SOS2: variants seen among roughly 807,000 people sequenced by gnomAD.
The protein encoded by SOS2 is SOS Ras/Rho guanine nucleotide exchange factor 2, also known as son of sevenless homolog 2.
In SOS2, 65 loss-of-function variants were observed where a neutral mutation model predicts 148.2. The observed-to-expected ratio is 0.44, with a 90% CI of 0.36 to 0.54. SOS2 has a LOEUF of 0.54. SOS2 is among the 20% of genes least tolerant of loss of function. The pLI is 0.00. For missense variants in SOS2, 1,341 were observed against 1,590.2 expected, an observed-to-expected ratio of 0.84 and a Z score of 2.67; for synonymous variants, 539 against 537.1, an observed-to-expected ratio of 1.00 and a Z score of -0.05.
intron 5 of SOS2, among the ~76,000 whole-genome samples, chr14:50,183,922 T>C (rs1885826601): frequency 6.6e-6 from 1 of 152,220 alleles, no homozygotes; most frequent in Non-Finnish European, 1.5e-5. Flanking sequence ...TGTGCAAATA[T>C]CACGGCTAGA....
rs199667374 is a variant in SOS2 at position 50,180,533 on chromosome 14, T to TAAA, written c.969+36_969+38dup. On this transcript the variant is annotated intron_variant, in intron 7 of 22. Coordinates refer to ENST00000216373, the MANE Select transcript of SOS2 (RefSeq NM_006939.4). ...ATAGTGAGATATTTATTTGCTTTAT[T>TAAA]AAAAAAAAAAAAAAAAAAAACCTTC... The TAAA allele has an allele frequency of 2.0e-4, 84 of 416,896 alleles. No homozygotes were observed. The highest frequency in any genetic ancestry group is 1.2e-3 in the Middle Eastern group (2 of 1,624). 25.8% of individuals were successfully genotyped at this position (416,896 alleles called of 1,614,324 possible).
chr14:50,211,349 G>A (rs1326404361), intron 1 of SOS2, among the ~76,000 whole-genome samples: 2 of 152,000 alleles, frequency 1.3e-5, no homozygotes, highest in Non-Finnish European at 2.9e-5. Flanking sequence ...TTTTATTTTA[G>A]ATTAAGGGGG....
intron 19 of SOS2, among the ~76,000 whole-genome samples, 154 bp from the exon 20 acceptor site, chr14:50,130,916 A>G (rs1403373279): frequency 6.6e-6 from 1 of 152,178 alleles, no homozygotes; most frequent in Non-Finnish European, 1.5e-5. Context: ...GTATCATTCT[A>G]GTAGAATCTT....
rs142704139 is a variant in SOS2 at position 50,139,379 on chromosome 14, A to C, written c.2785+563T>G. Among the ~76,000 whole-genome samples, 303 of 152,250 alleles carry C rather than the reference A, an allele frequency of 2.0e-3. 2 individuals carry two copies. Among genetic ancestry groups the C allele is most frequent in the African/African-American group, 6.4e-3 (265 of 41,530 alleles). On this transcript the variant is annotated intron_variant, in intron 17 of 22. Transcript: ENST00000216373. Reference sequence around the variant, plus strand: ...TTTAGTCCCCCAGGGGATATTTAGGAATGTCTAGAGACATTTTTGGTTACC... The same window carrying C: ...TTTAGTCCCCCAGGGGATATTTAGGCATGTCTAGAGACATTTTTGGTTACC...
Position 50,201,090 on chromosome 14 carries a change from C to T in SOS2, c.214-6G>A, listed in dbSNP as rs1886471307. On this transcript the variant is annotated splice_region_variant and splice_polypyrimidine_tract_variant and intron_variant, in intron 2 of 22. Transcript: ENST00000216373. ...AAGGTCTTCTGAACTCGCTCCTGCT[C>T]AATCACAGCAGAACCATTGTAGTAT... 6.2e-7 allele frequency: 1 copy of T among 1,613,234 alleles called. No homozygotes were observed. Among genetic ancestry groups the T allele is most frequent in the East Asian group, 2.2e-5 (1 of 44,848 alleles).
At chr14:50,226,398 A>G (rs1363068781) in intron 1 of SOS2, among the ~76,000 whole-genome samples, 1 of 152,218 alleles carries the variant, frequency 6.6e-6, no homozygotes. Context: ...GGGCCTCAGG[A>G]AAGATCCAGT....
intron 10 of SOS2, among the ~76,000 whole-genome samples, chr14:50,159,130 C>T (rs1884915697): frequency 6.6e-6 from 1 of 151,568 alleles, no homozygotes; most frequent in Non-Finnish European, 1.5e-5. Context: ...GTGGAGCTTG[C>T]AGTGAGCAGA....
intron 16 of SOS2, among the ~76,000 whole-genome samples, chr14:50,141,639 C>T (rs903402766): frequency 1.5e-4 from 23 of 151,992 alleles, no homozygotes; most frequent in Middle Eastern, 3.2e-3. Flanking sequence ...AAGAGATAAA[C>T]GATGTTCACA....
chr14:50,222,289 T>C (rs1413836313), intron 1 of SOS2, among the ~76,000 whole-genome samples: 1 of 152,166 alleles, frequency 6.6e-6, no homozygotes, highest in African/African-American at 2.4e-5. Context: ...AAAATTCTTT[T>C]GGGGATACAC....
At chr14:50,149,469 G>A (rs1884594982) in intron 14 of SOS2, among the ~76,000 whole-genome samples, 1 of 152,108 alleles carries the variant, frequency 6.6e-6, no homozygotes, top group South Asian at 2.1e-4. Context: ...TGGAAGTAGA[G>A]AGTAGAACTG....
intron 8 of SOS2, among the ~76,000 whole-genome samples, chr14:50,165,860 CAT>C (rs1168837969): frequency 6.6e-6 from 1 of 152,148 alleles, no homozygotes; most frequent in African/African-American, 2.4e-5. Flanking sequence ...GTACTATAAT[CAT>C]ATGTTACAGA....
At position 50,120,371 on chromosome 14, in the gene SOS2, A is replaced by G; in HGVS notation, c.3393T>C (p.Ser1131=). 6.4e-7 allele frequency: 1 copy of G among 1,557,702 alleles called. No homozygotes were observed. The highest frequency in any genetic ancestry group is 1.1e-5 in the South Asian group (1 of 88,658). ...TTAGTTTATGTAAACTACCACATGA[A>G]CTAAAGAAAGACTCTGGGGGAGAAA... ...VLLPHSKSFF[S]SCGSLHKLSE... The change falls in exon 22 of 23, where the codon AGT becomes AGC. Residue 1131 remains serine (S), a synonymous_variant. Coordinates refer to ENST00000216373, the MANE Select transcript of SOS2 (RefSeq NM_006939.4).
At chr14:50,150,470 A>C (rs1474912410) in intron 13 of SOS2, among the ~76,000 whole-genome samples, 1 of 152,272 alleles carries the variant, frequency 6.6e-6, no homozygotes, top group South Asian at 2.1e-4. Context: ...AATAACCACA[A>C]CACCATTATC....
chr14:50,217,501 C>A (rs1887069689), intron 1 of SOS2, among the ~76,000 whole-genome samples: 1 of 151,946 alleles, frequency 6.6e-6, no homozygotes, highest in Non-Finnish European at 1.5e-5. Flanking sequence ...GAGTTCGAGA[C>A]CAGCCTGGGC....
chr14:50,161,446 G>A, intron 9 of SOS2, 36 bp downstream of exon 9: 2 of 1,580,796 alleles, frequency 1.3e-6, no homozygotes, highest in Non-Finnish European at 1.7e-6. Context: ...AGCGAAGTAA[G>A]CAGAGGCATT....
chr14:50,158,243 A>G (rs1271472928), intron 11 of SOS2, among the ~76,000 whole-genome samples: 1 of 152,132 alleles, frequency 6.6e-6, no homozygotes, highest in African/African-American at 2.4e-5. Flanking sequence ...AAAAAAAAAA[A>G]TAGTGGTAAG....
intron 1 of SOS2, among the ~76,000 whole-genome samples, chr14:50,220,285 A>G (rs1347769396): frequency 6.6e-6 from 1 of 150,562 alleles, no homozygotes; most frequent in East Asian, 1.9e-4. Context: ...GGGCGCCTGT[A>G]GTCCCAGCTA....
At chr14:50,138,814 A>C in intron 17 of SOS2, 30 bp from the exon 18 acceptor site, 1 of 755,972 alleles carries the variant, frequency 1.3e-6, no homozygotes, top group Non-Finnish European at 2.0e-6. Flanking sequence ...AATTTAAAGA[A>C]AAGTTATTTT....
chr14:50,210,113 A>C (rs1886819147), intron 1 of SOS2, among the ~76,000 whole-genome samples: 1 of 152,330 alleles, frequency 6.6e-6, no homozygotes, highest in East Asian at 1.9e-4. Context: ...TCTGTAAGGA[A>C]GTACAAGGAT....
Sources: allele counts gnomAD v4.1 joint callset (sites outside exome capture counted in the v4.1 genomes callset), GRCh38; gene constraint gnomAD v4.1.1; transcripts MANE v1.5; gene names NCBI Gene and HGNC (gene_info 2026-07-23, HGNC 2026-07-21).